CCND3: variants seen among roughly 807,000 people sequenced by gnomAD.
CCND3 encodes cyclin D3, also known as G1/S-specific cyclin-D3.
Under a neutral mutation model 28.7 loss-of-function variants are expected in CCND3, and 9 were observed. The observed-to-expected ratio is 0.31, with a 90% confidence interval of 0.19 to 0.55. The LOEUF is 0.55. Ranked by LOEUF, CCND3 falls within the 20% of genes least tolerant of loss-of-function variation. CCND3 has a pLI of 0.93. For missense variants in CCND3, 315 were observed against 385.8 expected (o/e 0.82, Z 1.54); for synonymous variants, 164 against 163.9 (o/e 1.00, Z 0.00).
Position 41,975,534 on chromosome 6 carries a change from T to G in CCND3, c.-45-34949A>C, listed in dbSNP as rs146624793. Among the ~76,000 whole-genome samples the G allele has an allele frequency of 4.1e-4, 63 of 152,066 alleles. 3 individuals carry two copies. The East Asian group carries it at 0.011, about 28-fold the overall frequency. On this transcript the variant is annotated intron_variant, in intron 1 of 4. Coordinates refer to the CCND3 transcript ENST00000372988. ...CTAAACAGATGGTGGTAAACAGAGG[T>G]GCTGGGGGCCTCGGCTGGCACATTA...
intron 1 of CCND3, among the ~76,000 whole-genome samples, chr6:41,958,022 A>C (rs1249440438): frequency 2.4e-5 from 3 of 122,562 alleles, no homozygotes; most frequent in Non-Finnish European, 4.9e-5. Context: ...TTTTTGAGAC[A>C]GAATCTCTCT....
At chr6:41,955,019 T>A (rs2127401465) in intron 1 of CCND3, among the ~76,000 whole-genome samples, 1 of 152,280 alleles carries the variant, frequency 6.6e-6, no homozygotes, top group Admixed American at 6.5e-5. Flanking sequence ...AGATATAAAA[T>A]TTTCCTTATT....
chr6:41,971,432 A>C (rs922414337), intron 1 of CCND3, among the ~76,000 whole-genome samples: 3 of 151,988 alleles, frequency 2.0e-5, no homozygotes, highest in Non-Finnish European at 2.9e-5. Flanking sequence ...GCCTGGCTCC[A>C]AGATGATAAT....
intron 1 of CCND3, among the ~76,000 whole-genome samples, chr6:41,983,271 G>A (rs577456016): frequency 1.3e-5 from 2 of 151,770 alleles, no homozygotes; most frequent in South Asian, 2.1e-4. Context: ...CCAGCTACTC[G>A]GGAGGCTGAG....
chr6:42,046,790 A>G (rs1185172381), intron 1 of CCND3, among the ~76,000 whole-genome samples: 2 of 152,166 alleles, frequency 1.3e-5, no homozygotes, highest in Non-Finnish European at 2.9e-5. Flanking sequence ...ATCATCCAAG[A>G]TACAGGACCA....
upstream of CCND3, among the ~76,000 whole-genome samples, chr6:41,942,175 G>A (rs955469273): frequency 3.3e-5 from 5 of 152,232 alleles, no homozygotes; most frequent in African/African-American, 9.6e-5. Context: ...GATAAATAAT[G>A]TCAGAGCTAG....
chr6:42,011,213 G>C (rs985510242), intron 1 of CCND3: 7 of 152,188 alleles, frequency 4.6e-5, no homozygotes, highest in African/African-American at 1.2e-4. Flanking sequence ...AAACTCCTGG[G>C]CTCAAGCAAT....
At chr6:41,957,138 C>T (rs115214675) in intron 1 of CCND3, among the ~76,000 whole-genome samples, 1 of 152,314 alleles carries the variant, frequency 6.6e-6, no homozygotes, top group African/African-American at 2.4e-5. Context: ...TTTTCAAATC[C>T]TCCGTTGAAA....
At chr6:41,980,781 C>A (rs1380023009) in intron 1 of CCND3, among the ~76,000 whole-genome samples, 1 of 152,118 alleles carries the variant, frequency 6.6e-6, no homozygotes, top group East Asian at 1.9e-4. Flanking sequence ...AAAGAAAAAT[C>A]ACATGATCTC....
intron 1 of CCND3, among the ~76,000 whole-genome samples, chr6:42,046,981 C>G (rs1371891459): frequency 6.6e-6 from 1 of 152,212 alleles, no homozygotes; most frequent in Non-Finnish European, 1.5e-5. Flanking sequence ...ATCTCCAGTG[C>G]CTGCGTTTCC....
At chr6:41,946,751 C>T (rs1051808701), upstream of CCND3, among the ~76,000 whole-genome samples, 2 of 151,988 alleles carry the variant, frequency 1.3e-5, no homozygotes, top group African/African-American at 4.8e-5. Context: ...TCACATTAAT[C>T]TTTAAAACTC....
At position 41,936,274 on chromosome 6, in the gene CCND3, G is replaced by T; in HGVS notation, c.712-167C>A. 2.6e-6 allele frequency: 2 copies of T among 761,786 alleles called. No individual in the cohort carries two copies. Among genetic ancestry groups the T allele is most frequent in the Non-Finnish European group, 4.1e-6 (2 of 485,936 alleles). The allele number at this position is 761,786 out of a possible 1,614,324, so 47.2% of individuals were successfully genotyped here. A position where few individuals can be genotyped will look rare whatever the true frequency, so the allele number is the denominator to read the frequency against. ...TCTCAGAAACTAGCAAGAGGATGTGGCAAGGGAGTGTGAGAGCAGCCCTGC... is the reference window on the plus strand; with the variant it reads ...TCTCAGAAACTAGCAAGAGGATGTGTCAAGGGAGTGTGAGAGCAGCCCTGC... On this transcript the variant is annotated intron_variant, in intron 4 of 4. Coordinates refer to ENST00000372991, the MANE Select transcript of CCND3 (RefSeq NM_001760.5). The surrounding 1 kb of genome is among the most constrained non-coding windows in gnomAD (Gnocchi z 4.4).
intron 1 of CCND3, among the ~76,000 whole-genome samples, chr6:41,981,940 A>G (rs1445980761): frequency 1.3e-5 from 2 of 151,740 alleles, no homozygotes; most frequent in Non-Finnish European, 2.9e-5. Flanking sequence ...GGTTGAGGTC[A>G]GCCTGGACAG....
At chr6:41,959,911 G>A (rs370197531) in intron 1 of CCND3, among the ~76,000 whole-genome samples, 3 of 150,064 alleles carry the variant, frequency 2.0e-5, no homozygotes, top group Admixed American at 6.7e-5. Flanking sequence ...AGCTGAGATC[G>A]CGACACTGCA....
chr6:42,014,027 G>A (rs10948002), intron 1 of CCND3, among the ~76,000 whole-genome samples: 56,745 of 149,686 alleles, frequency 0.38, 10,764 homozygotes, highest in African/African-American at 0.44. Context: ...AGCCGAGATC[G>A]TGCCACTGCA....
At chr6:42,033,032 T>A (rs1199894370) in intron 1 of CCND3, among the ~76,000 whole-genome samples, 1 of 152,236 alleles carries the variant, frequency 6.6e-6, no homozygotes, top group Non-Finnish European at 1.5e-5. Flanking sequence ...GTCGTTTTAC[T>A]GTTCATGAAG....
intron 1 of CCND3, among the ~76,000 whole-genome samples, chr6:42,039,919 G>A (rs923298316): frequency 2.6e-5 from 4 of 152,202 alleles, no homozygotes; most frequent in Admixed American, 6.5e-5. Flanking sequence ...GGGCTTGCCC[G>A]GGGGGATTCG....
In CCND3 at chr6:41,989,454, C is replaced by CAAAAAAAAAAAAAAA. The variant is rs35776222; in HGVS notation, c.-45-48870_-45-48869insTTTTTTTTTTTTTTT. The stretch of plus-strand genomic sequence containing the variant: ...GGGCGACAAGAGTGAAACACTGTCT[C>CAAAAAAAAAAAAAAA]AAAAAAAAAAAACAAAAAAAAAAAA... On this transcript the variant is annotated intron_variant, in intron 1 of 4. Coordinates refer to the CCND3 transcript ENST00000372988. Among the ~76,000 whole-genome samples, 55 of 21,658 alleles carry CAAAAAAAAAAAAAAA rather than the reference C, an allele frequency of 2.5e-3. 3 individuals are homozygous for CAAAAAAAAAAAAAAA. Among genetic ancestry groups the CAAAAAAAAAAAAAAA allele is most frequent in the Non-Finnish European group, 4.1e-3 (37 of 9,096 alleles). 14.2% of individuals were successfully genotyped at this position (21,658 alleles called of 152,430 possible). A position where few individuals can be genotyped will look rare whatever the true frequency, so the allele number is the denominator to read the frequency against.
rs1775824478 is a variant in CCND3, at chr6:41,937,023, A to G, written c.574+212T>C. ...GACCTTGGGCAAGTCACTTCTCTCTATACCCTCAGTGTCCCCACTACAAAC... is the reference window on the plus strand; with the variant it reads ...GACCTTGGGCAAGTCACTTCTCTCTGTACCCTCAGTGTCCCCACTACAAAC... On this transcript the variant is annotated intron_variant, in intron 3 of 4. Transcript: ENST00000372991. 4 of 618,990 alleles carry G rather than the reference A, an allele frequency of 6.5e-6. No individual in the cohort carries two copies. In the South Asian group the frequency reaches 7.9e-5, roughly 12 times the overall value. 38.3% of individuals were successfully genotyped at this position (618,990 alleles called of 1,614,324 possible).
Sources: gnomAD v4.1 joint callset for allele counts (sites outside exome capture counted in the v4.1 genomes callset) on GRCh38, gnomAD v4.1.1 for gene constraint, Gnocchi (gnomAD v3.1) non-coding constraint, MANE v1.5 for transcripts, NCBI Gene and HGNC (gene_info 2026-07-23, HGNC 2026-07-21) for gene names.